DSG1: variants seen among roughly 807,000 people sequenced by gnomAD.
DSG1 encodes the protein desmoglein 1.
A neutral mutation model predicts 97.5 loss-of-function variants in DSG1; 39 were observed. The ratio of observed to expected loss-of-function variants is 0.40; its 90% CI spans 0.31 to 0.52. The LOEUF (loss-of-function observed/expected upper bound fraction) is 0.52, where lower values mean the gene tolerates loss of function less well. DSG1 is among the 20% of genes least tolerant of loss of function. DSG1 has a pLI of 0.53. For missense variants in DSG1, 1,311 were observed against 1,295.4 expected (o/e 1.01, Z -0.18); for synonymous variants, 475 against 443.4 (o/e 1.07, Z -0.90).
intron 6 of DSG1, among the ~76,000 whole-genome samples, chr18:31,332,823 A>G (rs960138179): frequency 2.6e-5 from 4 of 152,130 alleles, no homozygotes; most frequent in African/African-American, 9.7e-5. Flanking sequence ...ACATTAGAAG[A>G]AATTGAATGT....
intron 1 of DSG1, among the ~76,000 whole-genome samples, chr18:31,321,936 T>C (rs1267783953): frequency 1.3e-5 from 2 of 152,212 alleles, no homozygotes; most frequent in Non-Finnish European, 2.9e-5. Flanking sequence ...ATTAGATTTA[T>C]AATGCTCCCT....
At chr18:31,347,197 T>C (rs2071846519) in intron 14 of DSG1, among the ~76,000 whole-genome samples, 1 of 152,188 alleles carries the variant, frequency 6.6e-6, no homozygotes, top group Non-Finnish European at 1.5e-5. Flanking sequence ...AGCATTCAAA[T>C]AGCAATAGAT....
In DSG1 at chr18:31,346,170, T is replaced by C; in HGVS notation, c.2072T>C (p.Met691Thr). The change falls in exon 14 of 15, where the codon ATG becomes ACG. Residue 691 changes from methionine (M) to threonine (T), a missense_variant. Met to Thr is a moderately conservative substitution (Grantham distance 81). Coordinates refer to ENST00000257192, the MANE Select transcript of DSG1 (RefSeq NM_001942.4). ...MRECREGGLNMNFMESYFCQK... is the reference protein window; with the variant it reads ...MRECREGGLNTNFMESYFCQK... ...GAATGTAGAGAAGGAGGTCTGAATA[T>C]GAATTTCATGGAAAGCTACTTCTGT... The C allele has an allele frequency of 6.2e-7, 1 of 1,613,872 alleles. No individual in the cohort carries two copies. The highest frequency in any genetic ancestry group is 1.1e-5 in the South Asian group (1 of 91,066).
intron 14 of DSG1, chr18:31,353,996 C>G (rs1277642996): frequency 2.9e-6 from 1 of 340,128 alleles, no homozygotes; most frequent in Non-Finnish European, 5.5e-6. Flanking sequence ...GGCTCCTCCT[C>G]GAAACCAATT....
rs1413093699 is a variant in DSG1 at position 31,355,467 on chromosome 18, G to T, written c.*121G>T. The T allele has an allele frequency of 3.1e-6, 3 of 978,380 alleles. No homozygotes were observed. The African/African-American group carries it at 4.8e-5, about 16-fold the overall frequency. 60.6% of individuals were successfully genotyped at this position (978,380 alleles called of 1,614,324 possible). On this transcript the variant is annotated 3_prime_UTR_variant, in exon 15 of 15. Transcript: ENST00000257192. ...TGCTCAGGTCATCTAGGAGCAAGGT[G>T]AGAAATCACAATGAGAAAAATAAAT...
chr18:31,354,780 G>A lies in DSG1; in HGVS notation c.2584G>A (p.Val862Met), dbSNP rs201083341. 2.1e-5 allele frequency: 34 copies of A among 1,614,172 alleles called. No homozygotes were observed. Among genetic ancestry groups the A allele is most frequent in the Middle Eastern group, 1.6e-4 (1 of 6,062 alleles). ...HVHDNRPASNVVVTERVVGPI... is the reference protein window; with the variant it reads ...HVHDNRPASNMVVTERVVGPI... ...TCACGATAACCGACCAGCATCAAAC[G>A]TGGTAGTGACAGAGAGAGTGGTCGG... The change falls in exon 15 of 15, where the codon GTG becomes ATG. Residue 862 changes from valine (V) to methionine (M), a missense_variant. Transcript: ENST00000257192.
intron 1 of DSG1, among the ~76,000 whole-genome samples, chr18:31,323,939 C>T (rs1404264575): frequency 2.7e-5 from 4 of 150,484 alleles, no homozygotes; most frequent in Admixed American, 1.3e-4. Flanking sequence ...GTTTCTTTCG[C>T]CATTCCTTCT....
rs200791987 is a variant in DSG1 at position 31,354,363 on chromosome 18, A to G, written c.2167A>G (p.Ile723Val). The G allele has an allele frequency of 1.1e-5, 17 of 1,614,240 alleles. No individual in the cohort carries two copies. The East Asian group carries it at 3.1e-4, about 30-fold the overall frequency. The change falls in exon 15 of 15, where the codon ATC becomes GTC. Residue 723 changes from isoleucine to valine, a missense_variant. This residue lies in a region of DSG1 where 1,038 missense variants were observed against 964.6 expected (regional missense o/e 1.08). Transcript: ENST00000257192. ...PSNDCLLIYD[I>V]EGVGSPAGSV... ...TAATGACTGTTTGCTCATATATGAC[A>G]TCGAAGGTGTAGGTTCCCCTGCTGG... is the stretch of plus-strand genomic sequence containing the variant.
chr18:31,341,329 G>A (rs1054692216), intron 11 of DSG1, among the ~76,000 whole-genome samples: 3 of 152,170 alleles, frequency 2.0e-5, no homozygotes, highest in Non-Finnish European at 2.9e-5. Flanking sequence ...AAGTCAGAGC[G>A]CTTATGTATA....
At chr18:31,346,471 T>G (rs1490560589) in intron 14 of DSG1, among the ~76,000 whole-genome samples, 1 of 152,228 alleles carries the variant, frequency 6.6e-6, no homozygotes, top group Non-Finnish European at 1.5e-5. Context: ...TAACTAAGAT[T>G]GTTCACAAAA....
chr18:31,318,343 T>A lies in DSG1; in HGVS notation c.43T>A (p.Phe15Ile). The change falls in exon 1 of 15, where the codon TTT becomes ATT. Residue 15 changes from phenylalanine (F) to isoleucine (I), a missense_variant. Coordinates refer to ENST00000257192, the MANE Select transcript of DSG1 (RefSeq NM_001942.4). Reference sequence around the variant, plus strand: ...CAGAGTAGTTGCAATGCTGTTCATTTTTCTGGTGAGTGGATTCTGGTAAAA... The same window carrying A: ...CAGAGTAGTTGCAATGCTGTTCATTATTCTGGTGAGTGGATTCTGGTAAAA... ...FFRVVAMLFI[F>I]LVVVEVNSEF... 1 of 1,613,180 alleles carries A rather than the reference T, an allele frequency of 6.2e-7. No individual in the cohort carries two copies. The highest frequency in any genetic ancestry group is 1.1e-5 in the South Asian group (1 of 91,058).
chr18:31,351,743 T>C (rs1183731288), intron 14 of DSG1, among the ~76,000 whole-genome samples: 2 of 151,318 alleles, frequency 1.3e-5, no homozygotes, highest in Non-Finnish European at 3.0e-5. Context: ...TTGTCTCTTT[T>C]GATCTTTGTT....
At chr18:31,352,278 A>C (rs1166055197) in intron 14 of DSG1, among the ~76,000 whole-genome samples, 4 of 150,922 alleles carry the variant, frequency 2.7e-5, no homozygotes, top group Non-Finnish European at 5.9e-5. Flanking sequence ...TCTTTCCTTT[A>C]AGAATGTTGA....
Position 31,318,265 on chromosome 18 carries a change from C to T in DSG1, c.-36C>T. 1.3e-6 allele frequency: 2 copies of T among 1,587,594 alleles called. No individual in the cohort carries two copies. Among genetic ancestry groups the T allele is most frequent in the South Asian group, 1.1e-5 (1 of 90,570 alleles). ...AAAGAACAGAGAAGAACAAACAAAA[C>T]TCCCTTGGTCTTGGATGTAAGAGAA... is the stretch of plus-strand genomic sequence containing the variant. On this transcript the variant is annotated 5_prime_UTR_variant, in exon 1 of 15. Transcript: ENST00000257192.
rs952681245 is a variant in DSG1 at position 31,336,598 on chromosome 18, C to A, written c.1250C>A (p.Pro417His). ...GCTACTGACCTGGACACAGGTAGAC[C>A]TTCAACGACTGTTAGGTAAGAATGA... Reference protein sequence around the residue: ...FVATDLDTGRPSTTVRYVMGN... With the variant: ...FVATDLDTGRHSTTVRYVMGN... The change falls in exon 9 of 15, where the codon CCT (proline) becomes CAT (histidine). Residue 417 changes from proline (P) to histidine (H), a missense_variant. Around this residue, in one of 3 missense-constraint regions of DSG1, gnomAD observed 1,038 missense variants for 964.6 expected, o/e 1.08. Coordinates refer to ENST00000257192, the MANE Select transcript of DSG1 (RefSeq NM_001942.4). 3.1e-6 allele frequency: 5 copies of A among 1,613,964 alleles called. No individual in the cohort carries two copies. The highest frequency in any genetic ancestry group is 1.7e-4 in the Middle Eastern group (1 of 6,060).
At chr18:31,348,816 GT>G (rs2071867645) in intron 14 of DSG1, among the ~76,000 whole-genome samples, 1 of 133,098 alleles carries the variant, frequency 7.5e-6, no homozygotes, top group Non-Finnish European at 1.6e-5. Context: ...TGATGGGGTT[GT>G]TTTTTTCTTG....
rs752137970 is a variant in DSG1, at chr18:31,340,038, G to A, written c.1687+13G>A. 3.7e-6 allele frequency: 6 copies of A among 1,613,552 alleles called. No individual in the cohort carries two copies. The highest frequency in any genetic ancestry group is 1.6e-4 in the Middle Eastern group (1 of 6,082). On this transcript the variant is annotated intron_variant, in intron 11 of 14. Coordinates refer to ENST00000257192, the MANE Select transcript of DSG1 (RefSeq NM_001942.4). ...TTGGTCTTAGGATGTAAGTACTTTA[G>A]CAATCCTATGTATATGTGTCCCCCA...
chr18:31,343,549 C>A lies in DSG1; in HGVS notation c.1787C>A (p.Ser596Ter), dbSNP rs1568045518. 1 of 1,614,144 alleles carries A rather than the reference C, an allele frequency of 6.2e-7. No individual in the cohort carries two copies. The highest frequency in any genetic ancestry group is 1.3e-5 in the African/African-American group (1 of 75,040). ...VPECSDGAIH[S>*]WAVEGPQPEP... The stretch of plus-strand genomic sequence containing the variant: ...GAATGTTCAGATGGAGCAATTCATT[C>A]ATGGGCAGTAGAAGGACCACAGCCT... Residue 596 changes from serine to a stop codon, truncating the protein, a stop_gained, in exon 12 of 15, where the codon TCA becomes TAA. Coordinates refer to ENST00000257192, the MANE Select transcript of DSG1 (RefSeq NM_001942.4). LOFTEE classifies it high-confidence loss of function.
intron 9 of DSG1, 55 bp downstream of exon 9, chr18:31,336,668 G>C: frequency 6.4e-7 from 1 of 1,554,920 alleles, no homozygotes; most frequent in Non-Finnish European, 8.9e-7. Context: ...AAGTACATAT[G>C]TTCTTTTTAT....
Sources: gnomAD v4.1 joint callset for allele counts (sites outside exome capture counted in the v4.1 genomes callset) on GRCh38, gnomAD v4.1.1 for gene constraint, gnomAD v4.1.1 regional missense constraint, MANE v1.5 for transcripts, NCBI Gene and HGNC (gene_info 2026-07-23, HGNC 2026-07-21) for gene names.